WNT11: variants seen among roughly 807,000 people sequenced by gnomAD.
The protein encoded by WNT11 is protein Wnt-11.
A neutral mutation model predicts 35.6 loss-of-function variants in WNT11; 20 were observed. That is an observed-to-expected ratio of 0.56 (90% CI 0.40 to 0.82). The LOEUF is 0.82. Among genes scored for constraint, WNT11 ranks in the 40% least tolerant of loss-of-function variants. WNT11 has a pLI of 0.00. For synonymous variants in WNT11, 200 were observed against 211.9 expected, an observed-to-expected ratio of 0.94 and a Z score of 0.49; for missense variants, 459 against 504.4, an observed-to-expected ratio of 0.91 and a Z score of 0.86.
intron 4 of WNT11, among the ~76,000 whole-genome samples, 194 bp from the exon 5 acceptor site, chr11:76,187,433 C>G (rs560687931): frequency 6.6e-6 from 1 of 152,278 alleles, no homozygotes; most frequent in South Asian, 2.1e-4. Context: ...CCCTATATTT[C>G]TAATAAGGGG....
chr11:76,210,590 G>T (rs1329726659), upstream of WNT11: 2 of 985,130 alleles, frequency 2.0e-6, no homozygotes, highest in Non-Finnish European at 2.4e-6. Context: ...CGGCGAAGGC[G>T]CCCTCTTCGT....
chr11:76,187,807 CT>C (rs1351910913), intron 4 of WNT11, among the ~76,000 whole-genome samples: 1 of 152,102 alleles, frequency 6.6e-6, no homozygotes, highest in Non-Finnish European at 1.5e-5. Flanking sequence ...TTGGAGATAG[CT>C]TTTTTCTATT....
chr11:76,205,341 G>A (rs1953454901), intron 1 of WNT11, among the ~76,000 whole-genome samples: 1 of 150,694 alleles, frequency 6.6e-6, no homozygotes, highest in African/African-American at 2.4e-5. Flanking sequence ...CCTGGCCCCA[G>A]ATTCCAGACC....
chr11:76,209,805 G>A (rs555118876), upstream of WNT11, among the ~76,000 whole-genome samples: 1 of 152,092 alleles, frequency 6.6e-6, no homozygotes, highest in Non-Finnish European at 1.5e-5. Context: ...AGCCCCGGGG[G>A]TGGGAGGCGT....
chr11:76,197,092 ACATT>A (rs1354255287), intron 1 of WNT11, among the ~76,000 whole-genome samples: 2 of 152,376 alleles, frequency 1.3e-5, no homozygotes, highest in East Asian at 3.9e-4. Context: ...TCTTTATTCA[ACATT>A]CATTCAACAC....
intron 2 of WNT11, among the ~76,000 whole-genome samples, chr11:76,195,572 C>A (rs1953269857): frequency 6.6e-6 from 1 of 152,224 alleles, no homozygotes; most frequent in Non-Finnish European, 1.5e-5. Context: ...AGACTTCCGG[C>A]CTCCAGAACT....
intron 1 of WNT11, among the ~76,000 whole-genome samples, chr11:76,202,293 G>A (rs1449280769): frequency 6.6e-6 from 1 of 152,338 alleles, no homozygotes; most frequent in East Asian, 1.9e-4. Context: ...GGAGGATGCT[G>A]ATGAGGGCTG....
upstream of WNT11, chr11:76,210,589 C>T: frequency 2.0e-6 from 2 of 985,230 alleles, no homozygotes; most frequent in Non-Finnish European, 2.4e-6. Flanking sequence ...GCGGCGAAGG[C>T]GCCCTCTTCG....
At position 76,186,798 on chromosome 11, in the gene WNT11, C is replaced by G; in HGVS notation, c.*267G>C. On this transcript the variant is annotated 3_prime_UTR_variant, in exon 5 of 5. Transcript: ENST00000322563. ...CACCGATCCCAAGCCCCGCTCCTTA[C>G]ACCAGCCTGTGGGCACTCCAGAGCC... The G allele has an allele frequency of 3.4e-6, 2 of 586,256 alleles. No homozygotes were observed. Among genetic ancestry groups the G allele is most frequent in the Non-Finnish European group, 6.4e-6 (2 of 312,522 alleles). 36.3% of individuals were successfully genotyped at this position (586,256 alleles called of 1,614,324 possible). A position where few individuals can be genotyped will look rare whatever the true frequency, so the allele number is the denominator to read the frequency against.
chr11:76,188,446 G>T (rs1260616228), intron 4 of WNT11, among the ~76,000 whole-genome samples: 1 of 152,262 alleles, frequency 6.6e-6, no homozygotes, highest in Non-Finnish European at 1.5e-5. Flanking sequence ...TCCTTCCACT[G>T]CTCTCAGTTC....
chr11:76,199,844 G>A (rs1387229970), intron 1 of WNT11, among the ~76,000 whole-genome samples: 2 of 152,094 alleles, frequency 1.3e-5, no homozygotes, highest in African/African-American at 4.8e-5. Flanking sequence ...TCCCCCGCTT[G>A]TTGCCCAGCA....
chr11:76,198,085 C>T (rs992979403), intron 1 of WNT11, among the ~76,000 whole-genome samples: 6 of 152,224 alleles, frequency 3.9e-5, no homozygotes, highest in African/African-American at 1.4e-4. Context: ...AGGTAGAGAT[C>T]CCAGAACCCC....
rs1038092676 is a variant in WNT11, at chr11:76,194,906, G to A, written c.320-62C>T. ...CAGGGCTAGGACCCTGCCCAGGTCA[G>A]AGGTCCTCCACCTTCGCCCACACCC... On this transcript the variant is annotated intron_variant, in intron 2 of 4. Transcript: ENST00000322563. The surrounding 1 kb of genome is among the most constrained non-coding windows in gnomAD (Gnocchi z 5.4). The A allele has an allele frequency of 1.4e-6, 2 of 1,437,102 alleles. No individual in the cohort carries two copies. Among genetic ancestry groups the A allele is most frequent in the Non-Finnish European group, 1.8e-6 (2 of 1,098,746 alleles). The allele number at this position is 1,437,102 out of a possible 1,614,324, so 89.0% of individuals were successfully genotyped here.
At position 76,186,566 on chromosome 11, in the gene WNT11, C is replaced by T. The variant is rs4945044; in HGVS notation, c.*499G>A. ...AAAAAGCTATGTTTTATAAATATTT[C>T]TGTAGCTTCCACATCCCAAAGGAAG... is the stretch of plus-strand genomic sequence containing the variant. On this transcript the variant is annotated 3_prime_UTR_variant, in exon 5 of 5. Transcript: ENST00000322563. The T allele has an allele frequency of 5.7e-6, 1 of 174,954 alleles. No individual in the cohort carries two copies. Among genetic ancestry groups the T allele is most frequent in the East Asian group, 1.4e-4 (1 of 7,136 alleles). The allele number at this position is 174,954 out of a possible 1,614,324, so 10.8% of individuals were successfully genotyped here.
At chr11:76,202,000 C>T (rs1340897092) in intron 1 of WNT11, among the ~76,000 whole-genome samples, 1 of 152,140 alleles carries the variant, frequency 6.6e-6, no homozygotes, top group African/African-American at 2.4e-5. Flanking sequence ...GAATTCTAGG[C>T]CAGAGACCTG....
In WNT11 at chr11:76,187,158, G is replaced by C; in HGVS notation, c.972C>G (p.Arg324=). ...CGRGYNPYTD[R]VVERCHCKYH... Reference sequence around the variant, plus strand: ...ACTTACAGTGGCACCGCTCGACCACGCGGTCTGTGTAGGGGTTGTAGCCAC... The same window carrying C: ...ACTTACAGTGGCACCGCTCGACCACCCGGTCTGTGTAGGGGTTGTAGCCAC... The change falls in exon 5 of 5, where the codon CGC becomes CGG. Residue 324 remains arginine (R), a synonymous_variant. Transcript: ENST00000322563. The C allele has an allele frequency of 6.2e-7, 1 of 1,611,722 alleles. No individual in the cohort carries two copies. Among genetic ancestry groups the C allele is most frequent in the Non-Finnish European group, 8.5e-7 (1 of 1,180,020 alleles).
At chr11:76,204,375 C>T (rs1050160176) in intron 1 of WNT11, among the ~76,000 whole-genome samples, 1 of 152,206 alleles carries the variant, frequency 6.6e-6, no homozygotes, top group African/African-American at 2.4e-5. Flanking sequence ...GGAGTAGGCT[C>T]TTGTGGTGCC....
intron 1 of WNT11, among the ~76,000 whole-genome samples, chr11:76,197,226 T>G (rs1953303151): frequency 6.6e-6 from 1 of 152,274 alleles, no homozygotes; most frequent in Admixed American, 6.5e-5. Context: ...TTTCCATCAT[T>G]GTTTCATGTG....
At chr11:76,202,585 G>C (rs1953397782) in intron 1 of WNT11, among the ~76,000 whole-genome samples, 1 of 151,616 alleles carries the variant, frequency 6.6e-6, no homozygotes, top group Non-Finnish European at 1.5e-5. Context: ...GGCAACCTTG[G>C]GGAAGCTCTC....
Sources: gnomAD v4.1 joint callset for allele counts (sites outside exome capture counted in the v4.1 genomes callset) on GRCh38, gnomAD v4.1.1 for gene constraint, Gnocchi (gnomAD v3.1) non-coding constraint, MANE v1.5 for transcripts, NCBI Gene and HGNC (gene_info 2026-07-23, HGNC 2026-07-21) for gene names.